The following FBRSL1 variants were observed in gnomAD, a reference collection of about 807,000 sequenced individuals.
FBRSL1 encodes the protein fibrosin like 1.
A neutral mutation model predicts 89.6 loss-of-function variants in FBRSL1; 51 were observed. The ratio of observed to expected loss-of-function variants is 0.57; its 90% confidence interval spans 0.45 to 0.72. The LOEUF is 0.72. Among genes scored for constraint, FBRSL1 ranks in the 30% least tolerant of loss-of-function variants. FBRSL1 has a pLI of 0.00. For synonymous variants in FBRSL1, 779 were observed against 681.1 expected (o/e 1.14, Z -2.24); for missense variants, 1,618 against 1,451.8 (o/e 1.11, Z -1.86).
At chr12:132,523,938 G>T (rs943621360) in intron 2 of FBRSL1, among the ~76,000 whole-genome samples, 3 of 152,196 alleles carry the variant, frequency 2.0e-5, no homozygotes, top group Non-Finnish European at 4.4e-5. Flanking sequence ...GGGCTGCCCA[G>T]CTGGGACCGT....
chr12:132,515,899 CAAAAA>C (rs60767937), intron 2 of FBRSL1, among the ~76,000 whole-genome samples: 4 of 65,618 alleles, frequency 6.1e-5, no homozygotes, highest in Admixed American at 1.9e-4. Flanking sequence ...GACTCCGTCT[CAAAAA>C]AAAAAAAAAA....
At chr12:132,569,530 G>C (rs980240021) in intron 6 of FBRSL1, among the ~76,000 whole-genome samples, 2 of 152,180 alleles carry the variant, frequency 1.3e-5, no homozygotes, top group African/African-American at 2.4e-5. Context: ...CCTAGCTCCC[G>C]TGTTCAAATC....
At position 132,582,991 on chromosome 12, in the gene FBRSL1, G is replaced by T. The variant is rs1302614025; in HGVS notation, c.2222G>T (p.Arg741Leu). 6.9e-7 allele frequency: 1 copy of T among 1,446,946 alleles called. No homozygotes were observed. The highest frequency in any genetic ancestry group is 1.4e-5 in the South Asian group (1 of 74,038). 89.6% of individuals were successfully genotyped at this position (1,446,946 alleles called of 1,614,324 possible). A position where few individuals can be genotyped will look rare whatever the true frequency, so the allele number is the denominator to read the frequency against. The change falls in exon 19 of 19, where the codon CGC (arginine) becomes CTC (leucine). Residue 741 changes from arginine (R) to leucine (L), a missense_variant. By Grantham distance (102) the Arg-to-Leu change is moderately radical. Coordinates refer to ENST00000680143, the MANE Select transcript of FBRSL1 (RefSeq NM_001367871.1). ...CCCAGGGACCTCCTGGAGAAGACGC[G>T]CCTGCTGAGCCGGGCCTCGCCCGCC... ...EQERDLLEKT[R>L]LLSRASPATP...
chr12:132,569,753 G>A (rs1017595648), intron 6 of FBRSL1, among the ~76,000 whole-genome samples, 173 bp from the exon 7 acceptor site: 2 of 152,118 alleles, frequency 1.3e-5, no homozygotes, highest in South Asian at 2.1e-4. Context: ...TGGAGCCTCG[G>A]GTGAGATCCA....
intron 4 of FBRSL1, among the ~76,000 whole-genome samples, chr12:132,545,881 G>C (rs542511537): frequency 6.6e-6 from 1 of 152,336 alleles, no homozygotes; most frequent in South Asian, 2.1e-4. Flanking sequence ...AGGCCTCACT[G>C]GGGGTCCCCA....
At chr12:132,525,175 G>A (rs151293098) in intron 2 of FBRSL1, among the ~76,000 whole-genome samples, 248 of 152,372 alleles carry the variant, frequency 1.6e-3, no homozygotes, top group Middle Eastern at 3.4e-3. Flanking sequence ...CCAGGGTCAG[G>A]CAGGTCCCAC....
chr12:132,583,529 G>A lies in FBRSL1; in HGVS notation c.2760G>A (p.Ala920=). ...LPPAAPALDG[A]LLPSLGALHF... is the part of the protein sequence containing the mutation. ...CCGCCGCCCCCGCCTTGGACGGCGC[G>A]CTGCTGCCCTCGCTGGGAGCCCTGC... The change falls in exon 19 of 19, where the codon GCG becomes GCA. Residue 920 remains alanine, a synonymous_variant. Transcript: ENST00000680143. 1.9e-6 allele frequency: 2 copies of A among 1,045,838 alleles called. No individual in the cohort carries two copies. Among genetic ancestry groups the A allele is most frequent in the South Asian group, 5.9e-5 (2 of 34,056 alleles). The allele number at this position is 1,045,838 out of a possible 1,614,324, so 64.8% of individuals were successfully genotyped here.
At chr12:132,512,468 G>A (rs7309529) in intron 2 of FBRSL1, among the ~76,000 whole-genome samples, 1,664 of 152,358 alleles carry the variant, frequency 0.011, 8 homozygotes, top group African/African-American at 0.015. Context: ...CACACTTGGG[G>A]TGCGGGCTTG....
At chr12:132,527,866 G>A (rs1169923624) in intron 3 of FBRSL1, 87 bp from the exon 4 acceptor site, 1 of 1,302,144 alleles carries the variant, frequency 7.7e-7, no homozygotes, top group Non-Finnish European at 1.1e-6. Flanking sequence ...GCTAAGGGCT[G>A]AGGGCTGCAG....
chr12:132,510,463 C>G (rs1351003114), intron 2 of FBRSL1: 1 of 1,232,078 alleles, frequency 8.1e-7, no homozygotes, highest in African/African-American at 1.5e-5. Flanking sequence ...CAGGCACCTC[C>G]CCATATGGGT....
intron 11 of FBRSL1, among the ~76,000 whole-genome samples, chr12:132,573,276 G>C: frequency 6.6e-6 from 1 of 152,180 alleles, no homozygotes; most frequent in Non-Finnish European, 1.5e-5. Context: ...GACCTCCCAG[G>C]ATCCTGCAGC....
Position 132,525,652 on chromosome 12 carries a change from G to T in FBRSL1, c.490-82G>T. 1.1e-5 allele frequency: 13 copies of T among 1,142,962 alleles called. No individual in the cohort carries two copies. In the South Asian group the frequency reaches 1.8e-4, roughly 15 times the overall value. 70.8% of individuals were successfully genotyped at this position (1,142,962 alleles called of 1,614,324 possible). On this transcript the variant is annotated intron_variant, in intron 2 of 18. Coordinates refer to ENST00000680143, the MANE Select transcript of FBRSL1 (RefSeq NM_001367871.1). ...CGGGGTGCTGGGGTGCCGGGAGCAG[G>T]CATGTAGCCCTAGCCAGGGGGCCCC...
chr12:132,576,759 G>A, intron 14 of FBRSL1, 40 bp from the exon 15 acceptor site: 1 of 1,537,342 alleles, frequency 6.5e-7, no homozygotes, highest in Non-Finnish European at 8.8e-7. Flanking sequence ...TTCAGGGCCA[G>A]TCCCCGGGCA....
intron 2 of FBRSL1, among the ~76,000 whole-genome samples, chr12:132,518,429 A>C (rs1593314749): frequency 7.3e-6 from 1 of 136,128 alleles, no homozygotes; most frequent in African/African-American, 2.9e-5. Flanking sequence ...TCCATCATCC[A>C]CCCGTCTGTA....
intron 3 of FBRSL1, among the ~76,000 whole-genome samples, chr12:132,526,187 T>G (rs984278720): frequency 1.3e-5 from 2 of 152,262 alleles, no homozygotes; most frequent in Admixed American, 1.3e-4. Context: ...GTGCCTGCAC[T>G]GCTGGCCTGT....
At chr12:132,502,420 G>A (rs912094501) in intron 1 of FBRSL1, among the ~76,000 whole-genome samples, 7 of 152,242 alleles carry the variant, frequency 4.6e-5, no homozygotes, top group African/African-American at 1.2e-4. Context: ...GGGTGAGACT[G>A]CGGGCCACAG....
chr12:132,492,763 A>G (rs948665581), intron 1 of FBRSL1, among the ~76,000 whole-genome samples: 4 of 152,224 alleles, frequency 2.6e-5, no homozygotes, highest in Non-Finnish European at 1.5e-5. Flanking sequence ...GCGTTAACAC[A>G]GCCACAGCAC....
chr12:132,582,408 C>T, intron 18 of FBRSL1, 142 bp downstream of exon 18: 7 of 611,726 alleles, frequency 1.1e-5, no homozygotes, highest in Non-Finnish European at 2.1e-5. Flanking sequence ...CCCTGTTCCC[C>T]TTCCCCGTTC....
At chr12:132,526,840 C>T (rs1450230359) in intron 3 of FBRSL1, among the ~76,000 whole-genome samples, 1 of 152,150 alleles carries the variant, frequency 6.6e-6, no homozygotes, top group African/African-American at 2.4e-5. Context: ...ACTACAGCAG[C>T]CCTGAGCCTG....
Sources: allele counts gnomAD v4.1 joint callset (sites outside exome capture counted in the v4.1 genomes callset), GRCh38; gene constraint gnomAD v4.1.1; transcripts MANE v1.5; gene names NCBI Gene and HGNC (gene_info 2026-07-23, HGNC 2026-07-21).